Variants in KLHL4 observed in about 807,000 individuals in gnomAD.
The protein encoded by KLHL4 is kelch like family member 4.
KLHL4 carries 17 observed loss-of-function variants against 45.8 expected under a neutral mutation model. The ratio of observed to expected loss-of-function variants is 0.37; its 90% CI spans 0.25 to 0.56. The LOEUF is 0.56. Among genes scored for constraint, KLHL4 ranks in the 20% least tolerant of loss-of-function variants. The pLI is 0.79. For synonymous variants in KLHL4, 224 were observed against 189.9 expected, an observed-to-expected ratio of 1.18 and a Z score of -1.47; for missense variants, 544 against 544.9, an observed-to-expected ratio of 1.00 and a Z score of 0.02.
chrX:87,626,651 T>TA (rs141379060), intron 6 of KLHL4, among the ~76,000 whole-genome samples: 2,635 of 100,382 alleles, frequency 0.026, 68 homozygotes, highest in African/African-American at 0.073. Flanking sequence ...TATGTAGCTT[T>TA]AAAAAAAAAA....
chrX:87,546,650 G>A lies in KLHL4; in HGVS notation c.422+28335G>A, dbSNP rs1271046921. ...CAACAGAATGGTAGATCCACCAACA[G>A]GTTGCACCATGTACCTGGAAAAGCC... is the stretch of plus-strand genomic sequence containing the variant. On this transcript the variant is annotated intron_variant, in intron 1 of 10. Transcript: ENST00000373119. Among the ~76,000 whole-genome samples the A allele has an allele frequency of 4.5e-5, 5 of 111,963 alleles. No individual in the cohort carries two copies. In the Admixed American group the frequency reaches 4.7e-4, roughly 11 times the overall value.
At chrX:87,665,076 T>C (rs1924323099) in intron 10 of KLHL4, 141 bp downstream of exon 10, 1 of 408,364 alleles carries the variant, frequency 2.4e-6, no homozygotes, top group Admixed American at 4.6e-5. Context: ...GTGCTCTATC[T>C]ATGCCTTAGA....
intron 1 of KLHL4, among the ~76,000 whole-genome samples, chrX:87,564,815 AC>A (rs1932173729): frequency 8.9e-6 from 1 of 112,004 alleles, no homozygotes; most frequent in Non-Finnish European, 1.9e-5. Context: ...ATCTGACAAG[AC>A]CAAATGGACA....
At position 87,666,605 on chromosome X, in the gene KLHL4, G is replaced by T; in HGVS notation, c.*71G>T. 4.7e-6 allele frequency: 5 copies of T among 1,053,815 alleles called. No individual in the cohort carries two copies. The South Asian group carries it at 1.4e-4, about 30-fold the overall frequency. The allele number at this position is 1,053,815 out of a possible 1,213,427, so 86.8% of individuals were successfully genotyped here. A position where few individuals can be genotyped will look rare whatever the true frequency, so the allele number is the denominator to read the frequency against. On this transcript the variant is annotated 3_prime_UTR_variant, in exon 11 of 11. Coordinates refer to ENST00000373119, the MANE Select transcript of KLHL4 (RefSeq NM_019117.5). The stretch of plus-strand genomic sequence containing the variant: ...AAACTGAGTAGGACAAAGGGAGAAA[G>T]AAATACATGTTCTTTTTCCTGCAAT...
intron 1 of KLHL4, among the ~76,000 whole-genome samples, chrX:87,564,772 T>C (rs772528280): frequency 1.3e-4 from 15 of 111,135 alleles, no homozygotes; most frequent in African/African-American, 4.6e-4. Context: ...ACAGAAGAAA[T>C]GTAAAGAAAT....
chrX:87,646,180 C>T (rs908898286), intron 9 of KLHL4, among the ~76,000 whole-genome samples: 4 of 111,309 alleles, frequency 3.6e-5, no homozygotes, highest in African/African-American at 1.3e-4. Context: ...TAGGAATACA[C>T]TTAACCAAGG....
intron 4 of KLHL4, among the ~76,000 whole-genome samples, chrX:87,620,424 C>A (rs1035997766): frequency 9.0e-6 from 1 of 111,572 alleles, no homozygotes; most frequent in Non-Finnish European, 1.9e-5. Context: ...TTAGACTAAT[C>A]TACTATATTG....
At chrX:87,570,234 C>G (rs924872238) in intron 1 of KLHL4, among the ~76,000 whole-genome samples, 15 of 111,180 alleles carry the variant, frequency 1.3e-4, no homozygotes, top group African/African-American at 4.5e-4. Flanking sequence ...GAGAAAGAGA[C>G]TTCAAAAGAG....
chrX:87,606,864 A>C (rs992792557), intron 1 of KLHL4, among the ~76,000 whole-genome samples: 4 of 111,813 alleles, frequency 3.6e-5, no homozygotes, highest in Non-Finnish European at 7.5e-5. Flanking sequence ...TTACATTTGC[A>C]CAGAGATATA....
rs746376858 is a variant in KLHL4, at chrX:87,645,286, A to G, written c.1925+9511A>G. Among the ~76,000 whole-genome samples, 5 of 112,261 alleles carry G rather than the reference A, an allele frequency of 4.5e-5. No individual in the cohort carries two copies. The East Asian group carries it at 8.4e-4, about 19-fold the overall frequency. On this transcript the variant is annotated intron_variant, in intron 9 of 10. Coordinates refer to ENST00000373119, the MANE Select transcript of KLHL4 (RefSeq NM_019117.5). ...AAAAGAAGATATACAAATGGCCAAT[A>G]AACATGTGAAAAATGCTCAACATTA...
chrX:87,551,657 A>T (rs1301017413), intron 1 of KLHL4, among the ~76,000 whole-genome samples: 2 of 108,395 alleles, frequency 1.8e-5, no homozygotes, highest in Non-Finnish European at 3.8e-5. Flanking sequence ...AAACTATACT[A>T]TAAGGCCATA....
At chrX:87,624,779 G>T in intron 5 of KLHL4, among the ~76,000 whole-genome samples, 1 of 112,158 alleles carries the variant, frequency 8.9e-6, no homozygotes, top group Middle Eastern at 4.6e-3. Flanking sequence ...GTCACTGTCT[G>T]CCAGGTAATG....
chrX:87,588,176 G>A (rs896875782), intron 1 of KLHL4, among the ~76,000 whole-genome samples: 11 of 111,576 alleles, frequency 9.9e-5, no homozygotes, highest in African/African-American at 3.6e-4. Context: ...CAAATTCCAT[G>A]TTCATAGATT....
intron 3 of KLHL4, among the ~76,000 whole-genome samples, chrX:87,617,053 AAGT>A (rs1204840056): frequency 5.4e-5 from 6 of 111,850 alleles, no homozygotes; most frequent in Admixed American, 3.8e-4. Context: ...AAACAATAAA[AAGT>A]AGGAATGTCT....
intron 1 of KLHL4, among the ~76,000 whole-genome samples, chrX:87,559,009 G>A (rs1014270840): frequency 8.9e-6 from 1 of 111,823 alleles, no homozygotes; most frequent in Non-Finnish European, 1.9e-5. Context: ...ACAGTAGTAG[G>A]TAAACATCTC....
chrX:87,621,640 A>G (rs754958473), intron 4 of KLHL4, among the ~76,000 whole-genome samples: 19 of 111,370 alleles, frequency 1.7e-4, no homozygotes, highest in Non-Finnish European at 3.2e-4. Context: ...CTGAACCCAT[A>G]GATTGTTACC....
intron 9 of KLHL4, among the ~76,000 whole-genome samples, chrX:87,660,573 G>A (rs930628171): frequency 8.9e-6 from 1 of 112,185 alleles, no homozygotes; most frequent in Non-Finnish European, 1.9e-5. Flanking sequence ...AGCCAGGCGC[G>A]GTGCCTCACA....
At chrX:87,654,420 TTTTG>T (rs201585451) in intron 9 of KLHL4, among the ~76,000 whole-genome samples, 5,140 of 111,674 alleles carry the variant, frequency 0.046, 266 homozygotes, top group African/African-American at 0.16. Flanking sequence ...TTCTGAGTTA[TTTTG>T]TTTAAGACAT....
At chrX:87,571,977 T>C (rs1429644134) in intron 1 of KLHL4, among the ~76,000 whole-genome samples, 1 of 110,979 alleles carries the variant, frequency 9.0e-6, no homozygotes, top group Non-Finnish European at 1.9e-5. Context: ...AATCTGCTAT[T>C]TGGCTTGAGG....
Sources: gnomAD v4.1 joint callset for allele counts (sites outside exome capture counted in the v4.1 genomes callset) on GRCh38, gnomAD v4.1.1 for gene constraint, MANE v1.5 for transcripts, NCBI Gene and HGNC (gene_info 2026-07-23, HGNC 2026-07-21) for gene names.